Variants in WNT3 observed in about 807,000 individuals in gnomAD.
WNT3 encodes the protein Wnt family member 3, also known as proto-oncogene Wnt-3.
WNT3 carries 7 observed loss-of-function variants against 34.2 expected under a neutral mutation model. The observed-to-expected ratio is 0.20, with a 90% CI of 0.12 to 0.38. WNT3 has a LOEUF of 0.38. Ranked by LOEUF, WNT3 falls within the 10% of genes least tolerant of loss-of-function variation. The probability of loss-of-function intolerance (pLI) is 1.00; values close to 1 mark genes in which losing one functional copy is unlikely to be tolerated. For synonymous variants in WNT3, 212 were observed against 211.5 expected, an observed-to-expected ratio of 1.00 and a Z score of -0.02; for missense variants, 267 against 499.8, an observed-to-expected ratio of 0.53 and a Z score of 4.44.
rs563315091 is a variant in WNT3, at chr17:46,791,687, A to G, written c.81-17778T>C. Among the ~76,000 whole-genome samples the G allele has an allele frequency of 3.3e-5, 5 of 152,346 alleles. No individual in the cohort carries two copies. In the East Asian group the frequency reaches 7.7e-4, roughly 24 times the overall value. ...TAATTTCTGTCTGCATTCTACTTAC[A>G]TTCATCACAGAAGTAGGAAGGCATT... On this transcript the variant is annotated intron_variant, in intron 1 of 4. Transcript: ENST00000225512.
intron 4 of WNT3, among the ~76,000 whole-genome samples, chr17:46,766,265 G>A (rs892717718): frequency 1.1e-4 from 16 of 152,096 alleles, no homozygotes; most frequent in Admixed American, 6.6e-4. Context: ...AAAATTAGCC[G>A]ATCGTGGTGG....
Position 46,771,787 on chromosome 17 carries a change from C to T in WNT3, c.323-1739G>A, listed in dbSNP as rs1213117019. Among the ~76,000 whole-genome samples the T allele has an allele frequency of 3.5e-5, 4 of 112,946 alleles. No individual in the cohort carries two copies. The East Asian group carries it at 1.2e-3, about 33-fold the overall frequency. 74.1% of individuals were successfully genotyped at this position (112,946 alleles called of 152,430 possible). ...CGCGCCGCGCCGCGCCGCGCCGCGC[C>T]GAATGGCCAGAGGGCGTGTGAATGG... On this transcript the variant is annotated intron_variant, in intron 2 of 4. Transcript: ENST00000225512.
chr17:46,768,277 G>A lies in WNT3; in HGVS notation c.*8+35C>T. ...AAACAACCCCATTCCCTGCGCCCAG[G>A]CTCCCAGCCTCCCCCCTGCTTCCCG... On this transcript the variant is annotated intron_variant, in intron 4 of 4. Transcript: ENST00000225512. The surrounding 1 kb of genome is among the most constrained non-coding windows in gnomAD (Gnocchi z 5.0). 1 of 1,611,826 alleles carries A rather than the reference G, an allele frequency of 6.2e-7. No individual in the cohort carries two copies. Among genetic ancestry groups the A allele is most frequent in the South Asian group, 1.1e-5 (1 of 91,048 alleles).
At chr17:46,781,698 T>C (rs972476330) in intron 1 of WNT3, among the ~76,000 whole-genome samples, 1 of 152,154 alleles carries the variant, frequency 6.6e-6, no homozygotes, top group Non-Finnish European at 1.5e-5. Flanking sequence ...TGCCACTGAA[T>C]AGTACACTTT....
intron 1 of WNT3, among the ~76,000 whole-genome samples, chr17:46,810,006 T>TTC (rs1159239340): frequency 5.6e-5 from 8 of 141,948 alleles, no homozygotes; most frequent in African/African-American, 2.1e-4. Flanking sequence ...CTTTCTTTCT[T>TTC]TTTTTTTTTT....
chr17:46,772,584 C>G (rs983973691), intron 2 of WNT3, among the ~76,000 whole-genome samples: 1 of 152,252 alleles, frequency 6.6e-6, no homozygotes, highest in Non-Finnish European at 1.5e-5. Context: ...TCTTTTATGT[C>G]AACAAGGAAT....
At position 46,763,621 on chromosome 17, in the gene WNT3, C is replaced by A. The variant is rs536169677; in HGVS notation, c.*1009G>T. On this transcript the variant is annotated 3_prime_UTR_variant, in exon 5 of 5. Coordinates refer to ENST00000225512, the MANE Select transcript of WNT3 (RefSeq NM_030753.5). ...GGAATTTCAGGAATTGATGGCTACT[C>A]CCTCACGGACCCTTTGTCTAACTTA... 3 of 152,110 alleles carry A rather than the reference C, an allele frequency of 2.0e-5. No homozygotes were observed. The highest frequency in any genetic ancestry group is 4.4e-5 in the Non-Finnish European group (3 of 68,032). The allele number at this position is 152,110 out of a possible 1,614,324, so 9.4% of individuals were successfully genotyped here.
chr17:46,771,509 G>A (rs532580721), intron 2 of WNT3, among the ~76,000 whole-genome samples: 3 of 149,420 alleles, frequency 2.0e-5, no homozygotes, highest in African/African-American at 4.9e-5. Context: ...CGGCGGGGGC[G>A]GGGCGGGGAT....
Position 46,768,806 on chromosome 17 carries a change from G to A in WNT3, c.589-7C>T, listed in dbSNP as rs777742582. 6.2e-7 allele frequency: 1 copy of A among 1,612,082 alleles called. No homozygotes were observed. Among genetic ancestry groups the A allele is most frequent in the Non-Finnish European group, 8.5e-7 (1 of 1,179,218 alleles). On this transcript the variant is annotated splice_region_variant and splice_polypyrimidine_tract_variant and intron_variant, in intron 3 of 4. Coordinates refer to ENST00000225512, the MANE Select transcript of WNT3 (RefSeq NM_030753.5). The surrounding 1 kb of genome is among the most constrained non-coding windows in gnomAD (Gnocchi z 5.0). ...GCATGTGGTCCAGGATAGTCTGGGG[G>A]AGAGAAGTGGCAGCTGGCCAACAGA...
At chr17:46,778,358 A>T (rs889555748) in intron 1 of WNT3, among the ~76,000 whole-genome samples, 3 of 152,218 alleles carry the variant, frequency 2.0e-5, no homozygotes, top group Non-Finnish European at 2.9e-5. Flanking sequence ...GGACATTTTC[A>T]GGATGCTCCA....
At chr17:46,806,495 C>T (rs2084199280) in intron 1 of WNT3, among the ~76,000 whole-genome samples, 1 of 152,196 alleles carries the variant, frequency 6.6e-6, no homozygotes. Context: ...AGGCGTGAGC[C>T]ACCGCGCCCA....
intron 1 of WNT3, among the ~76,000 whole-genome samples, chr17:46,808,090 G>C (rs1483994678): frequency 1.3e-5 from 2 of 152,192 alleles, no homozygotes; most frequent in African/African-American, 4.8e-5. Flanking sequence ...GAAGGAAAGA[G>C]CTTAGTGCTG....
At chr17:46,814,401 A>G (rs77768380) in intron 1 of WNT3, among the ~76,000 whole-genome samples, 1 of 152,114 alleles carries the variant, frequency 6.6e-6, no homozygotes, top group South Asian at 2.1e-4. Flanking sequence ...TCGGCCACCA[A>G]TTTTGCTCCC....
intron 1 of WNT3, among the ~76,000 whole-genome samples, chr17:46,816,362 GCCCA>G (rs2084346810): frequency 6.6e-6 from 1 of 151,332 alleles, no homozygotes. Context: ...CCCCCAACAC[GCCCA>G]CACGATTTCA....
At chr17:46,764,956 C>T (rs995080388) in intron 4 of WNT3, among the ~76,000 whole-genome samples, 3 of 152,222 alleles carry the variant, frequency 2.0e-5, no homozygotes, top group African/African-American at 7.2e-5. Context: ...AGGGCCCAGT[C>T]CCCAACTCCA....
chr17:46,812,265 G>A (rs2146466043), intron 1 of WNT3, among the ~76,000 whole-genome samples: 1 of 152,342 alleles, frequency 6.6e-6, no homozygotes, highest in Middle Eastern at 3.4e-3. Flanking sequence ...CAAAGGGACA[G>A]GGAGGGCCTG....
intron 1 of WNT3, among the ~76,000 whole-genome samples, chr17:46,803,966 G>C (rs953784151): frequency 6.6e-6 from 1 of 152,298 alleles, no homozygotes; most frequent in South Asian, 2.1e-4. Context: ...CAGGTAAAGC[G>C]TGTTTTCCCT....
intron 1 of WNT3, among the ~76,000 whole-genome samples, chr17:46,774,679 G>C (rs922091703): frequency 2.0e-5 from 3 of 152,174 alleles, no homozygotes; most frequent in Non-Finnish European, 2.9e-5. Context: ...CCCTCGCTTT[G>C]TAATCAATAT....
chr17:46,806,867 G>A (rs2084204438), intron 1 of WNT3, among the ~76,000 whole-genome samples: 1 of 152,374 alleles, frequency 6.6e-6, no homozygotes, highest in African/African-American at 2.4e-5. Flanking sequence ...GCAGAGTGGG[G>A]CTTGGCCCTC....
Sources: gnomAD v4.1 joint callset for allele counts (sites outside exome capture counted in the v4.1 genomes callset) on GRCh38, gnomAD v4.1.1 for gene constraint, Gnocchi (gnomAD v3.1) non-coding constraint, MANE v1.5 for transcripts, NCBI Gene and HGNC (gene_info 2026-07-23, HGNC 2026-07-21) for gene names.